NRG1: variants seen among roughly 807,000 people sequenced by gnomAD.
NRG1 encodes the protein neuregulin 1, also known as pro-neuregulin-1, membrane-bound isoform.
A neutral mutation model predicts 63.8 loss-of-function variants in NRG1; 18 were observed. The ratio of observed to expected loss-of-function variants is 0.28; its 90% CI spans 0.19 to 0.42. The LOEUF is 0.42. Among genes scored for constraint, NRG1 ranks in the 10% least tolerant of loss-of-function variants. The pLI is 1.00. For missense variants in NRG1, 762 were observed against 814.7 expected (o/e 0.94, Z 0.79); for synonymous variants, 302 against 301.3 (o/e 1.00, Z -0.02).
intron 1 of NRG1, among the ~76,000 whole-genome samples, chr8:31,755,004 C>G (rs756174597): frequency 6.6e-6 from 1 of 152,068 alleles, no homozygotes; most frequent in Non-Finnish European, 1.5e-5. Context: ...ATTATCACCT[C>G]TAACTCTGAA....
chr8:31,742,163 T>C (rs1036868081), intron 1 of NRG1, among the ~76,000 whole-genome samples: 3 of 151,948 alleles, frequency 2.0e-5, no homozygotes, highest in Non-Finnish European at 4.4e-5. Context: ...ACATAGTGTT[T>C]TGAAATGCAT....
intron 1 of NRG1, among the ~76,000 whole-genome samples, chr8:32,321,568 T>C (rs1586815981): frequency 1.3e-5 from 2 of 150,138 alleles, no homozygotes; most frequent in African/African-American, 4.9e-5. Context: ...ATGATTTCCA[T>C]GGGCTGGAAA....
intron 5 of NRG1, among the ~76,000 whole-genome samples, chr8:32,620,192 C>A (rs1353444371): frequency 3.3e-5 from 5 of 152,174 alleles, no homozygotes; most frequent in East Asian, 1.9e-4. Flanking sequence ...GAATAGATTT[C>A]TTTTCACTTT....
At chr8:32,007,353 A>G (rs538718291) in intron 1 of NRG1, among the ~76,000 whole-genome samples, 1 of 152,066 alleles carries the variant, frequency 6.6e-6, no homozygotes, top group Admixed American at 6.6e-5. Context: ...AAATCCTCCA[A>G]CTTTGTTTGA....
intron 1 of NRG1, among the ~76,000 whole-genome samples, chr8:32,468,728 T>TG (rs201147946): frequency 0.069 from 10,530 of 151,878 alleles, 1,300 homozygotes; most frequent in East Asian, 0.62. Context: ...TACAGTTTTT[T>TG]TTTTTTTTTT....
chr8:31,884,518 C>T (rs572218517), intron 1 of NRG1, among the ~76,000 whole-genome samples: 3 of 152,058 alleles, frequency 2.0e-5, no homozygotes, highest in Non-Finnish European at 4.4e-5. Flanking sequence ...GACAGAACTG[C>T]CTTTTCTCCC....
chr8:32,287,519 G>T (rs890891223), intron 1 of NRG1: 3 of 152,192 alleles, frequency 2.0e-5, no homozygotes, highest in Admixed American at 6.5e-5. Context: ...TGTATCCATT[G>T]TTCTCCAAAG....
chr8:31,763,081 C>T (rs1817713770), intron 1 of NRG1, among the ~76,000 whole-genome samples: 1 of 152,098 alleles, frequency 6.6e-6, no homozygotes, highest in African/African-American at 2.4e-5. Context: ...ATATAATCAT[C>T]TCAATAGATG....
chr8:32,696,491 G>T (rs948159491), intron 5 of NRG1, among the ~76,000 whole-genome samples: 2 of 151,968 alleles, frequency 1.3e-5, no homozygotes, highest in Non-Finnish European at 2.9e-5. Flanking sequence ...GAACTCAAGA[G>T]CCCTGGAAAT....
chr8:32,463,901 T>G (rs1822684288), intron 1 of NRG1, among the ~76,000 whole-genome samples: 1 of 84,280 alleles, frequency 1.2e-5, no homozygotes, highest in Non-Finnish European at 2.4e-5. Flanking sequence ...TTTTTTTTTT[T>G]TTTTTTTTTT....
At chr8:32,028,326 G>T (rs1462426313) in intron 1 of NRG1, among the ~76,000 whole-genome samples, 1 of 152,010 alleles carries the variant, frequency 6.6e-6, no homozygotes, top group Admixed American at 6.6e-5. Flanking sequence ...TGATATGTAT[G>T]GTTTATGGTT....
chr8:31,831,989 G>A (rs1271173244), intron 1 of NRG1, among the ~76,000 whole-genome samples: 1 of 152,036 alleles, frequency 6.6e-6, no homozygotes, highest in Non-Finnish European at 1.5e-5. Context: ...TTTTTCTCTT[G>A]CTTGCTCTTC....
At chr8:32,607,736 G>A (rs541985879) in intron 3 of NRG1, among the ~76,000 whole-genome samples, 1 of 152,158 alleles carries the variant, frequency 6.6e-6, no homozygotes, top group Non-Finnish European at 1.5e-5. Context: ...TTATAGGGTA[G>A]AGAGATGAAA....
At chr8:31,853,816 C>A (rs1827528560) in intron 1 of NRG1, among the ~76,000 whole-genome samples, 1 of 151,922 alleles carries the variant, frequency 6.6e-6, no homozygotes, top group Non-Finnish European at 1.5e-5. Flanking sequence ...GAGTTTTTAG[C>A]ATGAAGAGTT....
intron 1 of NRG1, among the ~76,000 whole-genome samples, chr8:32,551,150 G>A (rs944197394): frequency 2.6e-5 from 4 of 152,142 alleles, no homozygotes; most frequent in Admixed American, 2.6e-4. Context: ...ATTCATACCT[G>A]ATGACTATAA....
chr8:32,540,440 C>T (rs1249603617), intron 1 of NRG1, among the ~76,000 whole-genome samples: 1 of 152,042 alleles, frequency 6.6e-6, no homozygotes, highest in Non-Finnish European at 1.5e-5. Context: ...TTGGAAAAAA[C>T]AACGACAACA....
chr8:31,650,605 G>C (rs957448441), intron 1 of NRG1, among the ~76,000 whole-genome samples: 8 of 152,122 alleles, frequency 5.3e-5, no homozygotes, highest in East Asian at 3.9e-4. Flanking sequence ...ATTCCTACCA[G>C]GGATATGCAC....
chr8:32,721,326 A>T (rs908314108), intron 5 of NRG1, among the ~76,000 whole-genome samples: 2 of 152,198 alleles, frequency 1.3e-5, no homozygotes, highest in African/African-American at 4.8e-5. Context: ...TCATCAGTTA[A>T]ACCAGTTAAT....
At chr8:32,424,922 A>G (rs928737278) in intron 1 of NRG1, among the ~76,000 whole-genome samples, 7 of 152,164 alleles carry the variant, frequency 4.6e-5, no homozygotes, top group African/African-American at 1.7e-4. Context: ...ATTGGAGGGA[A>G]TTTAGTTCAT....
Sources: gnomAD v4.1 joint callset for allele counts (sites outside exome capture counted in the v4.1 genomes callset) on GRCh38, gnomAD v4.1.1 for gene constraint, MANE v1.5 for transcripts, NCBI Gene and HGNC (gene_info 2026-07-23, HGNC 2026-07-21) for gene names.